Variants in RAD18 observed in about 807,000 individuals in gnomAD.
The protein encoded by RAD18 is E3 ubiquitin-protein ligase RAD18.
In RAD18, 47 loss-of-function variants were observed where a neutral mutation model predicts 60.4. The ratio of observed to expected loss-of-function variants is 0.78; its 90% CI spans 0.62 to 0.99. The LOEUF is 0.99. Among genes scored for constraint, RAD18 ranks in the 50% least tolerant of loss-of-function variants. RAD18 has a pLI of 0.00. For synonymous variants in RAD18, 225 were observed against 195.5 expected, an observed-to-expected ratio of 1.15 and a Z score of -1.26; for missense variants, 640 against 593.3, an observed-to-expected ratio of 1.08 and a Z score of -0.82.
At chr3:8,956,872 C>CT (rs1407546042) in intron 2 of RAD18, among the ~76,000 whole-genome samples, 1 of 151,936 alleles carries the variant, frequency 6.6e-6, no homozygotes, top group Non-Finnish European at 1.5e-5. Context: ...TGGTAAAAGA[C>CT]TGAATGCTTT....
At chr3:8,930,889 T>C (rs1274215538) in intron 7 of RAD18, among the ~76,000 whole-genome samples, 2 of 152,140 alleles carry the variant, frequency 1.3e-5, no homozygotes, top group Non-Finnish European at 2.9e-5. Context: ...GACAGACCCT[T>C]GAAAAATCAG....
At chr3:8,947,313 G>A (rs1200901128) in intron 3 of RAD18, 23 bp from the exon 4 acceptor site, 3 of 1,546,912 alleles carry the variant, frequency 1.9e-6, no homozygotes, top group Non-Finnish European at 1.8e-6. Context: ...AACAACAGAT[G>A]GAAAAAGGTC....
chr3:8,934,218 T>TGA (rs1940612428), intron 7 of RAD18, among the ~76,000 whole-genome samples: 1 of 152,002 alleles, frequency 6.6e-6, no homozygotes, highest in South Asian at 2.1e-4. Flanking sequence ...AAGATCCACA[T>TGA]GATCTTGAAG....
chr3:8,923,830 G>A (rs1476665427), intron 7 of RAD18, among the ~76,000 whole-genome samples: 1 of 152,124 alleles, frequency 6.6e-6, no homozygotes, highest in South Asian at 2.1e-4. Context: ...CGTAAGTGAA[G>A]GAGAAATAAA....
chr3:8,919,523 A>T (rs1000611035), intron 7 of RAD18, among the ~76,000 whole-genome samples: 1 of 152,358 alleles, frequency 6.6e-6, no homozygotes, highest in South Asian at 2.1e-4. Flanking sequence ...AATACTTTTG[A>T]GAGCCTTGAA....
At chr3:8,959,879 CAAAA>C (rs71307734) in intron 1 of RAD18, among the ~76,000 whole-genome samples, 7 of 63,286 alleles carry the variant, frequency 1.1e-4, no homozygotes. Flanking sequence ...GAAACTGTCT[CAAAA>C]AAAAAAAAAA....
At chr3:8,927,455 G>A (rs1386103774) in intron 7 of RAD18, among the ~76,000 whole-genome samples, 3 of 152,198 alleles carry the variant, frequency 2.0e-5, no homozygotes, top group African/African-American at 7.2e-5. Flanking sequence ...CTTTTACACT[G>A]TTGGTGGGAC....
chr3:8,962,521 A>T (rs1014848554), intron 1 of RAD18, among the ~76,000 whole-genome samples: 2 of 152,234 alleles, frequency 1.3e-5, no homozygotes, highest in African/African-American at 4.8e-5. Context: ...CCCCAAGTCT[A>T]CAAAACTGAG....
chr3:8,934,035 G>A (rs1940608400), intron 7 of RAD18, among the ~76,000 whole-genome samples: 2 of 152,174 alleles, frequency 1.3e-5, no homozygotes, highest in Admixed American at 1.3e-4. Context: ...GCAATTCAGT[G>A]GGAGAAGGGA....
Position 8,912,389 on chromosome 3 carries a change from A to C in RAD18, c.967-17T>G, listed in dbSNP as rs1188336411. On this transcript the variant is annotated splice_polypyrimidine_tract_variant and intron_variant, in intron 8 of 12. Transcript: ENST00000264926. Reference sequence around the variant, plus strand: ...AACCATTACCTAAAATAATCAAAAAAAGACCTTAATAAAAATCTCCCCAAA... The same window carrying C: ...AACCATTACCTAAAATAATCAAAAACAGACCTTAATAAAAATCTCCCCAAA... 2.0e-6 allele frequency: 3 copies of C among 1,501,364 alleles called. No individual in the cohort carries two copies. The highest frequency in any genetic ancestry group is 1.8e-6 in the Non-Finnish European group (2 of 1,111,126). The allele number at this position is 1,501,364 out of a possible 1,614,324, so 93.0% of individuals were successfully genotyped here. A position where few individuals can be genotyped will look rare whatever the true frequency, so the allele number is the denominator to read the frequency against.
intron 7 of RAD18, among the ~76,000 whole-genome samples, chr3:8,932,961 T>C (rs1458214168): frequency 6.6e-6 from 1 of 151,976 alleles, no homozygotes; most frequent in Non-Finnish European, 1.5e-5. Context: ...CCGGGCGTGC[T>C]GGCAGGCACC....
chr3:8,919,633 T>C (rs950014387), intron 7 of RAD18, among the ~76,000 whole-genome samples: 3 of 152,256 alleles, frequency 2.0e-5, no homozygotes, highest in African/African-American at 7.2e-5. Context: ...TGCACATATA[T>C]GCATATATTT....
At chr3:8,953,815 CTT>C (rs112126286) in intron 2 of RAD18, among the ~76,000 whole-genome samples, 2 of 144,666 alleles carry the variant, frequency 1.4e-5, no homozygotes, top group African/African-American at 2.5e-5. Flanking sequence ...GGCCAGCAAT[CTT>C]TTTTTTTTTT....
intron 7 of RAD18, among the ~76,000 whole-genome samples, chr3:8,933,197 C>G (rs1004179307): frequency 6.6e-6 from 1 of 151,964 alleles, no homozygotes; most frequent in African/African-American, 2.4e-5. Flanking sequence ...GTGACAGATA[C>G]CATATGTAAA....
In RAD18 at chr3:8,939,663, T is replaced by C. The variant is rs752842943; in HGVS notation, c.605-10A>G. 7.5e-6 allele frequency: 12 copies of C among 1,598,802 alleles called. No homozygotes were observed. Among genetic ancestry groups the C allele is most frequent in the Non-Finnish European group, 1.0e-5 (12 of 1,170,720 alleles). On this transcript the variant is annotated splice_polypyrimidine_tract_variant and intron_variant, in intron 5 of 12. Transcript: ENST00000264926. ...CAAACAGGACAATCCACTGTATTTT[T>C]TAAAAAGAAAAAGAGAGACTTTATT... is the stretch of plus-strand genomic sequence containing the variant.
At position 8,889,992 on chromosome 3, in the gene RAD18, G is replaced by A. The variant is rs766774043; in HGVS notation, c.1385+397C>T. ...TAACTGTAAAATGCTGTACAGGTTT[G>A]TAGCCTAGCAGCAATATGCTATACC... On this transcript the variant is annotated intron_variant, in intron 12 of 12. Transcript: ENST00000264926. 121 of 178,920 alleles carry A rather than the reference G, an allele frequency of 6.8e-4. 2 individuals carry two copies. Among genetic ancestry groups the A allele is most frequent in the Middle Eastern group, 2.8e-3 (1 of 362 alleles). 11.1% of individuals were successfully genotyped at this position (178,920 alleles called of 1,614,324 possible).
chr3:8,920,300 A>G (rs1478447977), intron 7 of RAD18, among the ~76,000 whole-genome samples: 2 of 149,778 alleles, frequency 1.3e-5, no homozygotes, highest in African/African-American at 2.5e-5. Flanking sequence ...AAAAAAAAAG[A>G]AAAAGAAAAT....
intron 9 of RAD18, among the ~76,000 whole-genome samples, chr3:8,907,308 A>G (rs180498): frequency 0.85 from 129,387 of 152,240 alleles, 55,341 homozygotes; most frequent in African/African-American, 0.93. Context: ...AGGTAGGAGA[A>G]TAAATGAAGT....
intron 4 of RAD18, among the ~76,000 whole-genome samples, chr3:8,945,589 A>G (rs1003962367): frequency 6.9e-6 from 1 of 145,534 alleles, no homozygotes; most frequent in Non-Finnish European, 1.5e-5. Context: ...CTCCTGCCTC[A>G]GCCTCCCAAG....
Sources: allele counts gnomAD v4.1 joint callset (sites outside exome capture counted in the v4.1 genomes callset), GRCh38; gene constraint gnomAD v4.1.1; transcripts MANE v1.5; gene names NCBI Gene and HGNC (gene_info 2026-07-23, HGNC 2026-07-21).